Variants in RPS6KC1 observed in about 807,000 individuals in gnomAD.
The protein encoded by RPS6KC1 is ribosomal protein S6 kinase C1.
In RPS6KC1, 54 loss-of-function variants were observed where a neutral mutation model predicts 103.8. The observed-to-expected ratio is 0.52, with a 90% CI of 0.42 to 0.65. RPS6KC1 has a LOEUF of 0.65. Among genes scored for constraint, RPS6KC1 ranks in the 30% least tolerant of loss-of-function variants. The pLI is 0.00. For missense variants in RPS6KC1, 1,151 were observed against 1,253.8 expected, an observed-to-expected ratio of 0.92 and a Z score of 1.24; for synonymous variants, 439 against 438.7, an observed-to-expected ratio of 1.00 and a Z score of -0.01.
the RPS6KC1 span, among the ~76,000 whole-genome samples, chr1:213,357,768 G>A: frequency 3.9e-5 from 6 of 152,190 alleles, no homozygotes; most frequent in Non-Finnish European, 7.3e-5. Context: ...CTCCATTTGC[G>A]GCTGAATGCA....
At chr1:213,261,734 G>A in intron 13 of RPS6KC1, 94 bp downstream of exon 13, 1 of 1,063,168 alleles carries the variant, frequency 9.4e-7, no homozygotes, top group Non-Finnish European at 1.4e-6. Context: ...TTTTAAATCA[G>A]GGACTAAGCA....
the RPS6KC1 span, among the ~76,000 whole-genome samples, chr1:213,352,142 CCTTT>C: frequency 6.6e-6 from 1 of 151,988 alleles, no homozygotes; most frequent in African/African-American, 2.4e-5. Flanking sequence ...TTTCTTCCTT[CCTTT>C]ATTCCGTTAT....
the RPS6KC1 span, among the ~76,000 whole-genome samples, chr1:213,391,082 G>T: frequency 1.3e-5 from 2 of 152,134 alleles, no homozygotes; most frequent in East Asian, 3.8e-4. Context: ...GGGATTTGGG[G>T]TCATATGGAG....
chr1:213,679,952 G>A, the RPS6KC1 span, among the ~76,000 whole-genome samples: 2 of 152,176 alleles, frequency 1.3e-5, no homozygotes, highest in East Asian at 3.8e-4. Context: ...TGACAAAACA[G>A]ATATATTTAA....
chr1:213,850,049 G>T, the RPS6KC1 span, among the ~76,000 whole-genome samples: 5 of 152,188 alleles, frequency 3.3e-5, no homozygotes, highest in Admixed American at 3.3e-4. Context: ...TGTAAAGAAT[G>T]ATAATTTTTC....
the RPS6KC1 span, among the ~76,000 whole-genome samples, chr1:213,698,138 TG>T: frequency 6.6e-6 from 1 of 152,206 alleles, no homozygotes; most frequent in Non-Finnish European, 1.5e-5. Context: ...TTTCGACTTA[TG>T]TTGTGTTTAT....
chr1:213,696,372 C>A, the RPS6KC1 span, among the ~76,000 whole-genome samples: 1 of 151,580 alleles, frequency 6.6e-6, no homozygotes, highest in Non-Finnish European at 1.5e-5. Context: ...CATGGTGGCA[C>A]GTGCCTGTAA....
chr1:213,739,035 A>C, the RPS6KC1 span, among the ~76,000 whole-genome samples: 1 of 152,010 alleles, frequency 6.6e-6, no homozygotes, highest in African/African-American at 2.4e-5. Flanking sequence ...CAGAGAATAC[A>C]GTTGACTGTT....
the RPS6KC1 span, among the ~76,000 whole-genome samples, chr1:213,371,422 C>T: frequency 2.0e-5 from 3 of 152,086 alleles, no homozygotes; most frequent in Non-Finnish European, 2.9e-5. Context: ...AATATCTGCT[C>T]GAGTCCCTGT....
chr1:213,367,555 A>G, the RPS6KC1 span, among the ~76,000 whole-genome samples: 1 of 152,330 alleles, frequency 6.6e-6, no homozygotes, highest in Non-Finnish European at 1.5e-5. Context: ...ACAGCCTCTA[A>G]ATCAGTGCTA....
the RPS6KC1 span, among the ~76,000 whole-genome samples, chr1:213,525,133 T>C: frequency 2.0e-5 from 3 of 152,124 alleles, no homozygotes; most frequent in Non-Finnish European, 1.5e-5. Flanking sequence ...AAAGTGGAAA[T>C]AGAAAAACTA....
the RPS6KC1 span, among the ~76,000 whole-genome samples, chr1:213,536,050 A>G: frequency 2.7e-5 from 4 of 150,554 alleles, no homozygotes; most frequent in Non-Finnish European, 5.9e-5. Flanking sequence ...CAAATACTAT[A>G]AACACTTTTT....
At chr1:213,107,095 C>T (rs1356260182) in intron 4 of RPS6KC1, among the ~76,000 whole-genome samples, 2 of 152,088 alleles carry the variant, frequency 1.3e-5, no homozygotes, top group East Asian at 1.9e-4. Context: ...GTGTGTGCCA[C>T]CACACCTGGC....
At chr1:213,180,616 T>C (rs897523504) in intron 8 of RPS6KC1, among the ~76,000 whole-genome samples, 2 of 152,180 alleles carry the variant, frequency 1.3e-5, no homozygotes, top group East Asian at 1.9e-4. Flanking sequence ...CCTGCAGGTT[T>C]ATTTACATAG....
chr1:213,704,159 G>C, the RPS6KC1 span, among the ~76,000 whole-genome samples: 6 of 151,506 alleles, frequency 4.0e-5, no homozygotes, highest in Non-Finnish European at 5.9e-5. Context: ...AGGCCGAGGC[G>C]GGCGGATCAC....
chr1:213,290,428 TA>T, the RPS6KC1 span, among the ~76,000 whole-genome samples: 2 of 152,152 alleles, frequency 1.3e-5, no homozygotes, highest in Admixed American at 1.3e-4. Flanking sequence ...GCTATATTTT[TA>T]AAAGGCGGGG....
the RPS6KC1 span, among the ~76,000 whole-genome samples, chr1:213,524,585 G>T: frequency 6.6e-6 from 1 of 152,126 alleles, no homozygotes; most frequent in Admixed American, 6.5e-5. Flanking sequence ...GGAAAGTATG[G>T]GCTTCAGAGT....
intron 8 of RPS6KC1, among the ~76,000 whole-genome samples, chr1:213,187,338 A>G (rs1396627856): frequency 7.1e-6 from 1 of 140,982 alleles, no homozygotes; most frequent in Non-Finnish European, 1.5e-5. Context: ...TCCACCTCCC[A>G]GGTTAAGGTG....
intron 8 of RPS6KC1, among the ~76,000 whole-genome samples, chr1:213,193,527 G>T (rs941061662): frequency 6.6e-6 from 1 of 152,322 alleles, no homozygotes; most frequent in South Asian, 2.1e-4. Context: ...CACCCAAAGT[G>T]CTGGGCTTAC....
Sources: allele counts gnomAD v4.1 joint callset (sites outside exome capture counted in the v4.1 genomes callset), GRCh38; gene constraint gnomAD v4.1.1; transcripts MANE v1.5; gene names NCBI Gene and HGNC (gene_info 2026-07-23, HGNC 2026-07-21).